SPDYE1: variants seen among roughly 807,000 people sequenced by gnomAD.
SPDYE1 encodes the protein speedy/RINGO cell cycle regulator family member E1, also known as speedy protein E1.
A neutral mutation model predicts 45.9 loss-of-function variants in SPDYE1; 29 were observed. That is an observed-to-expected ratio of 0.63 (90% CI 0.47 to 0.86). The LOEUF (loss-of-function observed/expected upper bound fraction) is 0.86, where lower values mean the gene tolerates loss of function less well. Among genes scored for constraint, SPDYE1 ranks in the 40% least tolerant of loss-of-function variants. SPDYE1 has a pLI of 0.00. For synonymous variants in SPDYE1, 134 were observed against 176.8 expected (o/e 0.76, Z 1.92); for missense variants, 346 against 481.4 (o/e 0.72, Z 2.63).
chr7:44,004,025 C>CAT, intron 5 of SPDYE1, 114 bp downstream of exon 5: 1 of 480,316 alleles, frequency 2.1e-6, no homozygotes, highest in Non-Finnish European at 3.1e-6. Context: ...CTCCTACAGT[C>CAT]TTTTTTTTTT....
Position 44,005,219 on chromosome 7 carries a change from C to A in SPDYE1, c.744C>A (p.Phe248Leu). 4 of 1,612,018 alleles carry A rather than the reference C, an allele frequency of 2.5e-6. No homozygotes were observed. The highest frequency in any genetic ancestry group is 3.4e-6 in the Non-Finnish European group (4 of 1,179,862). The stretch of plus-strand genomic sequence containing the variant: ...GGCAATACCAACGCCTTCATTTCTT[C>A]CTGGCTCTGTGAGTGGTTTGCTGCC... ...PSWQYQRLHF[F>L]LALYLANDME... is the part of the protein sequence containing the mutation. The change falls in exon 6 of 9, where the codon TTC becomes TTA. Residue 248 changes from phenylalanine to leucine, a missense_variant. Physicochemically the swap from Phe to Leu is conservative, Grantham distance 22. This residue lies in a region of SPDYE1 where 186 missense variants were observed against 219.1 expected (regional missense o/e 0.85). Transcript: ENST00000693451.
At chr7:44,007,151 G>T in intron 6 of SPDYE1, 117 bp from the exon 7 acceptor site, 4 of 1,594,010 alleles carry the variant, frequency 2.5e-6, no homozygotes, top group Non-Finnish European at 2.6e-6. Flanking sequence ...CTCTCTGCAG[G>T]GTGGGTGCCA....
chr7:43,998,467 C>T (rs949214967), intron 1 of SPDYE1, among the ~76,000 whole-genome samples: 1 of 151,224 alleles, frequency 6.6e-6, no homozygotes, highest in Non-Finnish European at 1.5e-5. Flanking sequence ...GTATCCACCA[C>T]CATGCCTGGC....
At chr7:44,002,319 C>CAAAAAA (rs57275170) in intron 3 of SPDYE1, among the ~76,000 whole-genome samples, 82 of 43,092 alleles carry the variant, frequency 1.9e-3, no homozygotes, top group Non-Finnish European at 2.1e-3. Context: ...ACAACAACAA[C>CAAAAAA]AAAAAAAAAA....
Position 44,009,463 on chromosome 7 carries a change from T to C in SPDYE1, c.*842T>C, listed in dbSNP as rs2096076227. The C allele has an allele frequency of 6.6e-6, 1 of 151,808 alleles. No individual in the cohort carries two copies. The highest frequency in any genetic ancestry group is 6.6e-5 in the Admixed American group (1 of 15,230). 9.4% of individuals were successfully genotyped at this position (151,808 alleles called of 1,614,324 possible). On this transcript the variant is annotated 3_prime_UTR_variant, in exon 9 of 9. Coordinates refer to ENST00000693451, the MANE Select transcript of SPDYE1 (RefSeq NM_001378423.2). ...AATTTTTATTTGCTGTTTAGGTTTGTGACTGAATTGTGAGAATTCAGTTGT... is the reference window on the plus strand; with the variant it reads ...AATTTTTATTTGCTGTTTAGGTTTGCGACTGAATTGTGAGAATTCAGTTGT...
chr7:44,008,428 TGAAGCA>T (rs1286925230), intron 8 of SPDYE1, among the ~76,000 whole-genome samples: 1 of 152,222 alleles, frequency 6.6e-6, no homozygotes, highest in East Asian at 1.9e-4. Flanking sequence ...GTCCTTGCTA[TGAAGCA>T]GATCACTGGG....
At chr7:44,006,956 G>A (rs1292341525) in intron 6 of SPDYE1, among the ~76,000 whole-genome samples, 1 of 152,174 alleles carries the variant, frequency 6.6e-6, no homozygotes, top group Non-Finnish European at 1.5e-5. Context: ...TTGCTATGTT[G>A]CCCAGGCTCG....
At chr7:44,005,502 A>G (rs1562631725) in intron 6 of SPDYE1, among the ~76,000 whole-genome samples, 1 of 152,116 alleles carries the variant, frequency 6.6e-6, no homozygotes, top group Non-Finnish European at 1.5e-5. Flanking sequence ...ACATGGCCAA[A>G]CCCCGTCTCT....
chr7:44,007,021 G>A (rs1202602428), intron 6 of SPDYE1, among the ~76,000 whole-genome samples: 1 of 152,236 alleles, frequency 6.6e-6, no homozygotes, highest in African/African-American at 2.4e-5. Flanking sequence ...AATGTGCTGG[G>A]ATTCCAGGCG....
Position 44,007,465 on chromosome 7 carries a change from G to A in SPDYE1, c.950G>A (p.Arg317His), listed in dbSNP as rs150690871. The A allele has an allele frequency of 6.4e-5, 100 of 1,573,614 alleles. No homozygotes were observed. Among genetic ancestry groups the A allele is most frequent in the East Asian group, 6.9e-5 (3 of 43,756 alleles). The change falls in exon 7 of 9, where the codon CGT (arginine) becomes CAT (histidine). Residue 317 changes from arginine to histidine, a missense_variant. Arg to His is a conservative substitution (Grantham distance 29). Around this residue, in one of 4 missense-constraint regions of SPDYE1, gnomAD observed 186 missense variants for 219.1 expected, o/e 0.85. Coordinates refer to ENST00000693451, the MANE Select transcript of SPDYE1 (RefSeq NM_001378423.2). ...CGTAAGCGTCGGTTCCAGTTACGCC[G>A]TTGCATGAACCCGAGGGCCAGGAAG... ...LVRKRRFQLRRCMNPRARKNR... is the reference protein window; with the variant it reads ...LVRKRRFQLRHCMNPRARKNR...
chr7:44,007,371 C>T lies in SPDYE1; in HGVS notation c.856C>T (p.Arg286Cys), dbSNP rs560250427. ...NRSRIPLLRK[R>C]RFQLYRSMNP... ...CTCTCGCATACCCTTGCTCCGTAAG[C>T]GTCGGTTCCAGTTATACCGTTCCAT... The change falls in exon 7 of 9, where the codon CGT becomes TGT. Residue 286 changes from arginine (R) to cysteine (C), a missense_variant. This residue lies in a region of SPDYE1 where 186 missense variants were observed against 219.1 expected (regional missense o/e 0.85). Coordinates refer to ENST00000693451, the MANE Select transcript of SPDYE1 (RefSeq NM_001378423.2). 1.4e-5 allele frequency: 23 copies of T among 1,613,136 alleles called. No individual in the cohort carries two copies. The highest frequency in any genetic ancestry group is 6.7e-5 in the Admixed American group (4 of 59,986).
chr7:44,006,610 G>A (rs1585939874), intron 6 of SPDYE1, among the ~76,000 whole-genome samples: 2 of 151,416 alleles, frequency 1.3e-5, no homozygotes, highest in East Asian at 4.0e-4. Flanking sequence ...CACCTGGACA[G>A]TTTGTTTGTT....
chr7:44,003,525 G>A (rs1359958283), intron 4 of SPDYE1, among the ~76,000 whole-genome samples: 9 of 151,656 alleles, frequency 5.9e-5, no homozygotes. Flanking sequence ...CCTGATGTGT[G>A]ACTGTCTCAT....
At chr7:44,004,130 G>A (rs2096068033) in intron 5 of SPDYE1, 22 of 810,752 alleles carry the variant, frequency 2.7e-5, no homozygotes, top group Non-Finnish European at 4.0e-5. Context: ...ATGCCTCCTG[G>A]GTTCAAGCGA....
rs767901097 is a variant in SPDYE1 at position 44,007,734 on chromosome 7, G to A, written c.1097G>A (p.Trp366Ter). The change falls in exon 8 of 9, where the codon TGG (tryptophan) becomes TAG (stop). Residue 366 changes from tryptophan to a stop codon, truncating the protein, a stop_gained. Transcript: ENST00000693451. LOFTEE classifies it high-confidence loss of function. ...EEIQAYDPEHWVWARDRARLS is the reference protein window; with the variant it reads ...EEIQAYDPEH ...ATCCAGGCTTATGACCCAGAGCACT[G>A]GGTGTGGGCGCGAGATCGCGCTCGC... The A allele has an allele frequency of 9.4e-5, 152 of 1,608,572 alleles. No homozygotes were observed. Among genetic ancestry groups the A allele is most frequent in the Non-Finnish European group, 1.2e-4 (140 of 1,179,448 alleles).
chr7:44,007,273 T>A lies in SPDYE1; in HGVS notation c.758T>A (p.Leu253Gln). ...AACCTGATTCCTGTCCTCAGCTACCTGGCCAATGACATGGAGGAGGACGAC... is the reference window on the plus strand; with the variant it reads ...AACCTGATTCCTGTCCTCAGCTACCAGGCCAATGACATGGAGGAGGACGAC... Reference protein sequence around the residue: ...QRLHFFLALYLANDMEEDDED... With the variant: ...QRLHFFLALYQANDMEEDDED... The change falls in exon 7 of 9, where the codon CTG becomes CAG. Residue 253 changes from leucine (L) to glutamine (Q), a missense_variant. By Grantham distance (113) the Leu-to-Gln change is moderately radical (BLOSUM62 -2). Around this residue, in one of 4 missense-constraint regions of SPDYE1, gnomAD observed 186 missense variants for 219.1 expected, o/e 0.85. Coordinates refer to ENST00000693451, the MANE Select transcript of SPDYE1 (RefSeq NM_001378423.2). 1 of 1,612,590 alleles carries A rather than the reference T, an allele frequency of 6.2e-7. No individual in the cohort carries two copies. The highest frequency in any genetic ancestry group is 8.5e-7 in the Non-Finnish European group (1 of 1,179,978).
chr7:44,000,067 C>T lies in SPDYE1; in HGVS notation c.118C>T (p.Pro40Ser), dbSNP rs1287428303. The T allele has an allele frequency of 4.1e-6, 4 of 984,712 alleles. No homozygotes were observed. In the African/African-American group the frequency reaches 5.3e-5, roughly 13 times the overall value. The allele number at this position is 984,712 out of a possible 1,614,324, so 61.0% of individuals were successfully genotyped here. Reference protein sequence around the residue: ...QSPQRSTSGYPLQEVVDDEVL... With the variant: ...QSPQRSTSGYSLQEVVDDEVL... ...TCCCCAGCGGAGCACCTCGGGGTAC[C>T]CCCTCCAGGAGGTGGTGGATGATGA... The change falls in exon 2 of 9, where the codon CCC (proline) becomes TCC (serine). Residue 40 changes from proline (P) to serine (S), a missense_variant. By Grantham distance (74) the Pro-to-Ser change is moderately conservative. Transcript: ENST00000693451.
rs751915885 is a variant in SPDYE1, at chr7:44,007,295, C to G, written c.780C>G (p.Asp260Glu). ...ALYLANDMEE[D>E]DEDSKQNIFH... Reference sequence around the variant, plus strand: ...ACCTGGCCAATGACATGGAGGAGGACGACGAGGACTCCAAACAAAACATCT... The same window carrying G: ...ACCTGGCCAATGACATGGAGGAGGAGGACGAGGACTCCAAACAAAACATCT... Residue 260 changes from aspartate to glutamate, a missense_variant, in exon 7 of 9, where the codon GAC (aspartate) becomes GAG (glutamate). Transcript: ENST00000693451. The G allele has an allele frequency of 2.0e-5, 33 of 1,612,650 alleles. No homozygotes were observed. The highest frequency in any genetic ancestry group is 2.8e-5 in the Non-Finnish European group (33 of 1,180,014).
intron 2 of SPDYE1, among the ~76,000 whole-genome samples, chr7:44,000,698 A>G (rs1433799218): frequency 6.6e-6 from 1 of 151,628 alleles, no homozygotes; most frequent in East Asian, 1.9e-4. Flanking sequence ...AGGCTGAGGC[A>G]GAAGAATAAA....
Sources: allele counts gnomAD v4.1 joint callset (sites outside exome capture counted in the v4.1 genomes callset), GRCh38; gene constraint gnomAD v4.1.1; regional missense constraint gnomAD v4.1.1; transcripts MANE v1.5; gene names NCBI Gene and HGNC (gene_info 2026-07-23, HGNC 2026-07-21).